Variants in UBASH3A observed in about 807,000 individuals in gnomAD.
The protein encoded by UBASH3A is ubiquitin associated and SH3 domain containing A, also known as ubiquitin-associated and SH3 domain-containing protein A.
Under a neutral mutation model 73.5 loss-of-function variants are expected in UBASH3A, and 63 were observed. The observed-to-expected ratio is 0.86, with a 90% CI of 0.70 to 1.06. The LOEUF (loss-of-function observed/expected upper bound fraction) is 1.06. Ranked by LOEUF, UBASH3A falls within the 50% of genes least tolerant of loss-of-function variation. The pLI, the probability that UBASH3A is intolerant of heterozygous loss-of-function variation, is 0.00. For missense variants in UBASH3A, 860 were observed against 859.0 expected (o/e 1.00, Z -0.02); for synonymous variants, 363 against 351.1 (o/e 1.03, Z -0.38).
At chr21:42,446,946 A>T in intron 14 of UBASH3A, 111 bp from the exon 15 acceptor site, 2 of 1,232,576 alleles carry the variant, frequency 1.6e-6, no homozygotes, top group Non-Finnish European at 2.2e-6. Flanking sequence ...CAGCCTGGGC[A>T]GTCGCAGACC....
intron 13 of UBASH3A, 23 bp from the exon 14 acceptor site, chr21:42,444,511 G>A (rs918686374): frequency 2.5e-6 from 4 of 1,578,738 alleles, no homozygotes; most frequent in Non-Finnish European, 3.5e-6. Flanking sequence ...GCTTTGACCT[G>A]GAGGTGTTCT....
Position 42,447,479 on chromosome 21 carries a change from A to T in UBASH3A, c.*285A>T. On this transcript the variant is annotated 3_prime_UTR_variant, in exon 15 of 15. Coordinates refer to ENST00000319294, the MANE Select transcript of UBASH3A (RefSeq NM_018961.4). ...ACACCGAGTGTCTGCAGCTGGGGAC[A>T]CAACTGCCCGGGACTCTAACTTCCA... 3.2e-6 allele frequency: 1 copy of T among 312,844 alleles called. No individual in the cohort carries two copies. The allele number at this position is 312,844 out of a possible 1,614,324, so 19.4% of individuals were successfully genotyped here. A position where few individuals can be genotyped will look rare whatever the true frequency, so the allele number is the denominator to read the frequency against.
chr21:42,430,827 C>T (rs531124366), intron 8 of UBASH3A, among the ~76,000 whole-genome samples: 25 of 152,344 alleles, frequency 1.6e-4, no homozygotes, highest in African/African-American at 5.5e-4. Context: ...GAGGTTGAGG[C>T]ATGAGTCCTG....
chr21:42,405,180 T>A (rs1421263869), intron 1 of UBASH3A, among the ~76,000 whole-genome samples: 1 of 152,138 alleles, frequency 6.6e-6, no homozygotes, highest in Non-Finnish European at 1.5e-5. Flanking sequence ...TTGTCGTCAC[T>A]GTTATGTTCA....
chr21:42,422,699 T>C (rs891849180), intron 7 of UBASH3A, among the ~76,000 whole-genome samples: 1 of 152,220 alleles, frequency 6.6e-6, no homozygotes, highest in Non-Finnish European at 1.5e-5. Flanking sequence ...TTTTATATAT[T>C]GATTTGAAAA....
intron 2 of UBASH3A, among the ~76,000 whole-genome samples, chr21:42,408,249 T>G (rs2053018842): frequency 6.6e-6 from 1 of 152,228 alleles, no homozygotes; most frequent in South Asian, 2.1e-4. Context: ...AAATTGAAAA[T>G]TATATCACAG....
rs765767715 is a variant in UBASH3A, at chr21:42,434,951, G to T, written c.1390G>T (p.Ala464Ser). 6.2e-7 allele frequency: 1 copy of T among 1,614,058 alleles called. No homozygotes were observed. The highest frequency in any genetic ancestry group is 1.7e-5 in the Admixed American group (1 of 60,018). Reference sequence around the variant, plus strand: ...GTGTGGCATTTTCCAGTCCAGAATTGCAGGTATGTTTGAGGACTGTCTAGT... The same window carrying T: ...GTGTGGCATTTTCCAGTCCAGAATTTCAGGTATGTTTGAGGACTGTCTAGT... ...SSCGIFQSRI[A>S]GDALLDSGIR... Residue 464 changes from alanine (A) to serine (S), a missense_variant, in exon 10 of 15, where the codon GCA becomes TCA. Transcript: ENST00000319294.
Position 42,406,374 on chromosome 21 carries a change from G to A in UBASH3A, c.167+13G>A. 6.2e-7 allele frequency: 1 copy of A among 1,611,780 alleles called. No homozygotes were observed. The highest frequency in any genetic ancestry group is 8.5e-7 in the Non-Finnish European group (1 of 1,177,826). Reference sequence around the variant, plus strand: ...AGGCCTTGGCCTGGTGAGTGCAGCTGCTTCTGTAGACCCAGGGGCGTTTGG... The same window carrying A: ...AGGCCTTGGCCTGGTGAGTGCAGCTACTTCTGTAGACCCAGGGGCGTTTGG... On this transcript the variant is annotated intron_variant, in intron 2 of 14. Transcript: ENST00000319294.
chr21:42,442,523 G>A lies in UBASH3A; in HGVS notation c.1558G>A (p.Gly520Ser). 1 of 1,614,116 alleles carries A rather than the reference G, an allele frequency of 6.2e-7. No homozygotes were observed. The highest frequency in any genetic ancestry group is 8.5e-7 in the Non-Finnish European group (1 of 1,180,024). The change falls in exon 12 of 15, where the codon GGC becomes AGC. Residue 520 changes from glycine (G) to serine (S), a missense_variant. Physicochemically the swap from Gly to Ser is moderately conservative, Grantham distance 56 (BLOSUM62 0). Coordinates refer to ENST00000319294, the MANE Select transcript of UBASH3A (RefSeq NM_018961.4). ...GIFEWTKWEAGKTTPTLMSLE... is the reference protein window; with the variant it reads ...GIFEWTKWEASKTTPTLMSLE... ...CTTTGAATGGACAAAATGGGAAGCT[G>A]GCAAAACCACCCCAACCCTCATGAG...
At position 42,444,568 on chromosome 21, in the gene UBASH3A, T is replaced by G; in HGVS notation, c.1773T>G (p.Thr591=). 2 of 1,614,026 alleles carry G rather than the reference T, an allele frequency of 1.2e-6. No homozygotes were observed. Residue 591 remains threonine, a synonymous_variant, in exon 14 of 15, where the codon ACT becomes ACG. Transcript: ENST00000319294. ...TCCTAATTGTGAGTCACGGCTCCAC[T>G]CTGGACTCCTGCACGCGGCCACTGC... is the stretch of plus-strand genomic sequence containing the variant. ...GVILIVSHGS[T]LDSCTRPLLG... is the part of the protein sequence containing the mutation.
chr21:42,410,778 GCA>G (rs36057857), intron 3 of UBASH3A, among the ~76,000 whole-genome samples: 10,100 of 150,176 alleles, frequency 0.067, 554 homozygotes, highest in East Asian at 0.28. Context: ...TGAGGTGCAA[GCA>G]CACACACACA....
intron 11 of UBASH3A, among the ~76,000 whole-genome samples, chr21:42,440,662 C>T (rs938253226): frequency 4.6e-5 from 7 of 152,236 alleles, no homozygotes; most frequent in African/African-American, 1.7e-4. Flanking sequence ...GTGCGAGAGT[C>T]CCCAGGTCGC....
At chr21:42,430,747 G>C (rs2053513405) in intron 8 of UBASH3A, among the ~76,000 whole-genome samples, 1 of 152,212 alleles carries the variant, frequency 6.6e-6, no homozygotes, top group Non-Finnish European at 1.5e-5. Flanking sequence ...CCCTAAAGCA[G>C]GGATGCTGTG....
At chr21:42,406,468 G>A in intron 2 of UBASH3A, 107 bp downstream of exon 2, 2 of 909,684 alleles carry the variant, frequency 2.2e-6, no homozygotes, top group East Asian at 2.4e-5. Context: ...GGCGCCTCTG[G>A]GTGGGATGGG....
chr21:42,418,983 T>C (rs112360200), intron 7 of UBASH3A, among the ~76,000 whole-genome samples: 3 of 152,224 alleles, frequency 2.0e-5, no homozygotes, highest in African/African-American at 4.8e-5. Context: ...TAGTTTTCTA[T>C]GACTGTATAA....
chr21:42,418,537 C>T lies in UBASH3A; in HGVS notation c.974C>T (p.Thr325Met), dbSNP rs747638328. 18 of 1,614,048 alleles carry T rather than the reference C, an allele frequency of 1.1e-5. No homozygotes were observed. The highest frequency in any genetic ancestry group is 2.2e-5 in the East Asian group (1 of 44,890). ...EGWVIGISQR[T>M]GCRGFLPENY... ...TGGGTGATTGGGATCTCACAGCGGA[C>T]GGGCTGCCGGGGCTTCCTGCCGGAA... Residue 325 changes from threonine to methionine, a missense_variant, in exon 7 of 15, where the codon ACG (threonine) becomes ATG (methionine). Physicochemically the swap from Thr to Met is moderately conservative, Grantham distance 81 (BLOSUM62 -1). Coordinates refer to ENST00000319294, the MANE Select transcript of UBASH3A (RefSeq NM_018961.4).
At chr21:42,444,769 C>T in intron 14 of UBASH3A, 126 bp downstream of exon 14, 1 of 758,332 alleles carries the variant, frequency 1.3e-6, no homozygotes, top group Non-Finnish European at 2.3e-6. Context: ...GATCCACGTG[C>T]CCCCGGAGAC....
At chr21:42,412,497 G>A (rs1309298697) in intron 3 of UBASH3A, among the ~76,000 whole-genome samples, 1 of 152,204 alleles carries the variant, frequency 6.6e-6, no homozygotes, top group Non-Finnish European at 1.5e-5. Context: ...GAGGGTTGGA[G>A]GCAGGCAGAG....
intron 6 of UBASH3A, among the ~76,000 whole-genome samples, chr21:42,417,201 T>C (rs1420044281): frequency 1.3e-5 from 2 of 151,970 alleles, no homozygotes; most frequent in African/African-American, 4.8e-5. Flanking sequence ...GGCAGGTGGA[T>C]CACTTCAGGT....
Sources: gnomAD v4.1 joint callset for allele counts (sites outside exome capture counted in the v4.1 genomes callset) on GRCh38, gnomAD v4.1.1 for gene constraint, MANE v1.5 for transcripts, NCBI Gene and HGNC (gene_info 2026-07-23, HGNC 2026-07-21) for gene names.